The following LTBP1 variants were observed in gnomAD, a reference collection of about 807,000 sequenced individuals.
The protein encoded by LTBP1 is latent transforming growth factor beta binding protein 1.
A neutral mutation model predicts 207.6 loss-of-function variants in LTBP1; 129 were observed. That is an observed-to-expected ratio of 0.62 (90% CI 0.54 to 0.72). The LOEUF (loss-of-function observed/expected upper bound fraction) is 0.72, where lower values mean the gene tolerates loss of function less well. LTBP1 is among the 30% of genes least tolerant of loss of function. LTBP1 has a pLI of 0.00. For missense variants in LTBP1, 2,281 were observed against 2,217.2 expected, an observed-to-expected ratio of 1.03 and a Z score of -0.58; for synonymous variants, 963 against 833.7, an observed-to-expected ratio of 1.16 and a Z score of -2.67.
At chr2:33,144,061 A>C (rs1330796768) in intron 5 of LTBP1, among the ~76,000 whole-genome samples, 1 of 151,830 alleles carries the variant, frequency 6.6e-6, no homozygotes, top group African/African-American at 2.4e-5. Flanking sequence ...GAAGATGACA[A>C]GTCCTTTTCT....
chr2:33,365,918 C>T (rs2094981170), intron 31 of LTBP1, among the ~76,000 whole-genome samples: 1 of 152,140 alleles, frequency 6.6e-6, no homozygotes, highest in Admixed American at 6.6e-5. Context: ...TCCAAATTTT[C>T]ATGTCAATCT....
chr2:33,002,550 G>C (rs1292751309), intron 2 of LTBP1, among the ~76,000 whole-genome samples: 2 of 152,182 alleles, frequency 1.3e-5, no homozygotes, highest in Non-Finnish European at 2.9e-5. Flanking sequence ...GGATTTTCCA[G>C]CTCTCTTTAT....
chr2:33,062,465 T>G (rs780726777), intron 3 of LTBP1, among the ~76,000 whole-genome samples: 6 of 152,210 alleles, frequency 3.9e-5, no homozygotes, highest in Non-Finnish European at 5.9e-5. Flanking sequence ...TGAGTTCACT[T>G]GAGTGTAGTG....
chr2:33,304,780 C>T (rs879115462), intron 22 of LTBP1, among the ~76,000 whole-genome samples: 1 of 152,210 alleles, frequency 6.6e-6, no homozygotes, highest in Admixed American at 6.5e-5. Context: ...ATGTCTTTCC[C>T]TTTCCCTCTG....
intron 15 of LTBP1, among the ~76,000 whole-genome samples, chr2:33,266,453 G>T (rs2093179301): frequency 6.6e-6 from 1 of 152,180 alleles, no homozygotes; most frequent in Non-Finnish European, 1.5e-5. Context: ...TTCAAGCCAG[G>T]AATGGCCTGA....
chr2:33,005,136 C>G (rs764794569), intron 2 of LTBP1, among the ~76,000 whole-genome samples: 4 of 152,152 alleles, frequency 2.6e-5, no homozygotes, highest in Non-Finnish European at 2.9e-5. Flanking sequence ...AGTGAAGTGA[C>G]TCTTTGGGAA....
At chr2:33,360,349 G>A (rs1405952090) in intron 26 of LTBP1, among the ~76,000 whole-genome samples, 1 of 152,146 alleles carries the variant, frequency 6.6e-6, no homozygotes, top group Non-Finnish European at 1.5e-5. Context: ...TAAAATAATT[G>A]GTTCACGTAA....
chr2:33,328,188 T>G (rs2094452947), intron 24 of LTBP1, among the ~76,000 whole-genome samples: 1 of 101,044 alleles, frequency 9.9e-6, no homozygotes, highest in South Asian at 3.2e-4. Flanking sequence ...AAAATGCATG[T>G]AGAAAAGTGC....
intron 2 of LTBP1, among the ~76,000 whole-genome samples, chr2:32,984,389 A>G (rs146823674): frequency 2.3e-3 from 344 of 152,322 alleles, no homozygotes; most frequent in Non-Finnish European, 2.9e-3. Context: ...TTAAAGGGCC[A>G]TCTGATCTTG....
chr2:33,010,618 A>T (rs1215672834), intron 2 of LTBP1, among the ~76,000 whole-genome samples: 1 of 152,184 alleles, frequency 6.6e-6, no homozygotes, highest in African/African-American at 2.4e-5. Context: ...AGGTAACAAG[A>T]TATCACATGG....
At chr2:33,015,432 C>T (rs780221489) in intron 2 of LTBP1, among the ~76,000 whole-genome samples, 7 of 152,180 alleles carry the variant, frequency 4.6e-5, no homozygotes, top group Non-Finnish European at 8.8e-5. Flanking sequence ...AAAGTAGTGG[C>T]TCTATGTTTA....
intron 15 of LTBP1, among the ~76,000 whole-genome samples, chr2:33,271,410 C>CTTTA (rs1256242347): frequency 1.3e-5 from 2 of 151,918 alleles, no homozygotes; most frequent in East Asian, 3.9e-4. Flanking sequence ...GAAATCTAAA[C>CTTTA]ACCAGTAACT....
chr2:33,371,063 C>G (rs1558311918), intron 31 of LTBP1, among the ~76,000 whole-genome samples: 2 of 152,094 alleles, frequency 1.3e-5, no homozygotes, highest in South Asian at 4.2e-4. Context: ...CATATTGGTA[C>G]CACATGCAGG....
chr2:33,384,592 C>G (rs1345208035), intron 31 of LTBP1, among the ~76,000 whole-genome samples: 2 of 152,134 alleles, frequency 1.3e-5, no homozygotes, highest in African/African-American at 4.8e-5. Flanking sequence ...GACTATTGTT[C>G]TTGATGCACA....
chr2:33,100,528 A>T (rs978988777), intron 3 of LTBP1, among the ~76,000 whole-genome samples: 6 of 151,564 alleles, frequency 4.0e-5, no homozygotes, highest in Non-Finnish European at 7.4e-5. Context: ...ATGTAGTTTT[A>T]AAAAATTTTT....
At chr2:33,255,288 T>C (rs1341434445) in intron 11 of LTBP1, among the ~76,000 whole-genome samples, 1 of 152,058 alleles carries the variant, frequency 6.6e-6, no homozygotes, top group Non-Finnish European at 1.5e-5. Context: ...TAGTATTCCA[T>C]CTCACACCAG....
intron 2 of LTBP1, among the ~76,000 whole-genome samples, chr2:32,949,374 A>T (rs1344291793): frequency 1.3e-5 from 2 of 152,212 alleles, no homozygotes; most frequent in Non-Finnish European, 2.9e-5. Flanking sequence ...GTACAACATC[A>T]AAGTTTTTAT....
Position 33,342,849 on chromosome 2 carries a change from T to A in LTBP1, c.3742T>A (p.Cys1248Ser), listed in dbSNP as rs752545327. The change falls in exon 25 of 34, where the codon TGT becomes AGT. Residue 1248 changes from cysteine (C) to serine (S), a missense_variant. Physicochemically the swap from Cys to Ser is moderately radical, Grantham distance 112. Coordinates refer to ENST00000404816, the MANE Select transcript of LTBP1 (RefSeq NM_206943.4). ...DGRTCEDIDE[C>S]VNNTVCDSHG... Reference sequence around the variant, plus strand: ...TGTCTTTTTTGCAGATATTGATGAATGTGTAAACAACACTGTTTGTGACAG... The same window carrying A: ...TGTCTTTTTTGCAGATATTGATGAAAGTGTAAACAACACTGTTTGTGACAG... The A allele has an allele frequency of 1.2e-6, 2 of 1,613,682 alleles. No individual in the cohort carries two copies. Among genetic ancestry groups the A allele is most frequent in the Non-Finnish European group, 1.7e-6 (2 of 1,179,798 alleles).
intron 20 of LTBP1, among the ~76,000 whole-genome samples, chr2:33,296,387 A>C (rs1296127314): frequency 6.6e-6 from 1 of 152,088 alleles, no homozygotes; most frequent in Non-Finnish European, 1.5e-5. Context: ...ACAGGGCAGT[A>C]CTTGGACCCA....
Sources: allele counts gnomAD v4.1 joint callset (sites outside exome capture counted in the v4.1 genomes callset), GRCh38; gene constraint gnomAD v4.1.1; transcripts MANE v1.5; gene names NCBI Gene and HGNC (gene_info 2026-07-23, HGNC 2026-07-21).